PUDP: variants seen among roughly 807,000 people sequenced by gnomAD.
PUDP encodes the protein pseudouridine-5'-phosphatase.
A neutral mutation model predicts 9.4 loss-of-function variants in PUDP; 8 were observed. The ratio of observed to expected loss-of-function variants is 0.85; its 90% CI spans 0.50 to 1.53. PUDP has a LOEUF of 1.53. PUDP is among the 40% of genes most tolerant of loss of function. PUDP has a pLI of 0.00. For missense variants in PUDP, 188 were observed against 189.7 expected, an observed-to-expected ratio of 0.99 and a Z score of 0.05; for synonymous variants, 99 against 80.7, an observed-to-expected ratio of 1.23 and a Z score of -1.22.
intron 3 of PUDP, among the ~76,000 whole-genome samples, chrX:6,727,504 T>C (rs777218390): frequency 8.0e-5 from 9 of 112,281 alleles, no homozygotes; most frequent in African/African-American, 2.6e-4. Flanking sequence ...CTTCGAAGAA[T>C]TTTGGAGAAT....
At chrX:6,919,426 C>T (rs952465032) in intron 3 of PUDP, among the ~76,000 whole-genome samples, 1 of 111,256 alleles carries the variant, frequency 9.0e-6, no homozygotes, top group African/African-American at 3.3e-5. Context: ...CATCATAGTT[C>T]CAAACTCTAA....
At chrX:7,116,953 T>C (rs1401032877) in intron 1 of PUDP, 1 of 1,166,373 alleles carries the variant, frequency 8.6e-7, no homozygotes, top group Admixed American at 2.6e-5. Flanking sequence ...GTTACATGCC[T>C]GCTCCTGCTT....
At chrX:7,145,084 G>T (rs1932834456) in intron 1 of PUDP, among the ~76,000 whole-genome samples, 1 of 111,669 alleles carries the variant, frequency 9.0e-6, no homozygotes, top group African/African-American at 3.3e-5. Flanking sequence ...CTGAAATGAG[G>T]CTAGTTCAAA....
chrX:7,096,970 C>A (rs1206668887), intron 2 of PUDP, among the ~76,000 whole-genome samples: 1 of 111,277 alleles, frequency 9.0e-6, no homozygotes, highest in Non-Finnish European at 1.9e-5. Flanking sequence ...TCATGAGACA[C>A]ACTGGAAAGG....
intron 1 of PUDP, among the ~76,000 whole-genome samples, chrX:7,116,707 G>A (rs1395608020): frequency 8.9e-6 from 1 of 111,914 alleles, no homozygotes; most frequent in East Asian, 2.8e-4. Flanking sequence ...AACTGCATTG[G>A]TCAGTAATAG....
intron 3 of PUDP, among the ~76,000 whole-genome samples, chrX:6,767,547 C>T (rs909943477): frequency 1.8e-5 from 2 of 112,555 alleles, no homozygotes; most frequent in Non-Finnish European, 3.8e-5. Context: ...CCAGTTCGCC[C>T]TTCATAGCAG....
intron 1 of PUDP, among the ~76,000 whole-genome samples, chrX:6,982,856 A>G (rs1249163543): frequency 8.9e-6 from 1 of 112,732 alleles, no homozygotes. Flanking sequence ...AGAGTCAGCC[A>G]TGTCAGATTT....
intron 1 of PUDP, among the ~76,000 whole-genome samples, chrX:7,125,031 C>A (rs866772865): frequency 9.5e-5 from 9 of 95,118 alleles, no homozygotes; most frequent in African/African-American, 2.0e-4. Context: ...TAAAAAAAAA[C>A]ATAAAAAAAA....
chrX:6,963,828 T>A (rs1011128271), intron 3 of PUDP, among the ~76,000 whole-genome samples: 4 of 112,134 alleles, frequency 3.6e-5, no homozygotes, highest in African/African-American at 1.3e-4. Flanking sequence ...TTGGTTTTAA[T>A]CCCTCATGCC....
At chrX:6,761,595 C>T (rs1246999646) in intron 3 of PUDP, among the ~76,000 whole-genome samples, 1 of 111,992 alleles carries the variant, frequency 8.9e-6, no homozygotes, top group Non-Finnish European at 1.9e-5. Context: ...GCAAAATACA[C>T]ACTCAGTGAA....
At position 6,775,896 on chromosome X, in the gene PUDP, C is replaced by T. The variant is rs1428585034; in HGVS notation, c.*248-69430G>A. Among the ~76,000 whole-genome samples, 3 of 111,576 alleles carry T rather than the reference C, an allele frequency of 2.7e-5. No homozygotes were observed. In the East Asian group the frequency reaches 8.5e-4, roughly 32 times the overall value. ...TGCCTTGATCTTTGAGCCTCCAGAACTGTGAGATGGAAATGTCTACTGTTT... is the reference window on the plus strand; with the variant it reads ...TGCCTTGATCTTTGAGCCTCCAGAATTGTGAGATGGAAATGTCTACTGTTT... On this transcript the variant is annotated intron_variant and NMD_transcript_variant, in intron 3 of 3. Coordinates refer to the PUDP transcript ENST00000655425.
chrX:6,940,695 G>A (rs1402484805), intron 3 of PUDP, among the ~76,000 whole-genome samples: 1 of 111,192 alleles, frequency 9.0e-6, no homozygotes, highest in Non-Finnish European at 1.9e-5. Context: ...TTAGGAAACA[G>A]AGACACGAGA....
intron 3 of PUDP, among the ~76,000 whole-genome samples, chrX:6,888,942 A>G (rs1300602275): frequency 1.8e-5 from 2 of 112,552 alleles, no homozygotes; most frequent in African/African-American, 6.5e-5. Context: ...GACACCGTTG[A>G]ATGCATTCTG....
At chrX:7,074,049 T>C (rs1412703705) in intron 3 of PUDP, among the ~76,000 whole-genome samples, 1 of 112,695 alleles carries the variant, frequency 8.9e-6, no homozygotes, top group East Asian at 2.8e-4. Context: ...AATGGCAGCA[T>C]GTGGTTTCCA....
chrX:7,058,374 G>A (rs927801100), intron 3 of PUDP, among the ~76,000 whole-genome samples: 3 of 112,109 alleles, frequency 2.7e-5, no homozygotes, highest in Admixed American at 1.9e-4. Flanking sequence ...GAATTACATG[G>A]AAGCACAGAA....
chrX:6,733,671 T>C (rs1330543260), intron 3 of PUDP, among the ~76,000 whole-genome samples: 4 of 109,275 alleles, frequency 3.7e-5, no homozygotes, highest in African/African-American at 1.3e-4. Context: ...GCGGATCTGA[T>C]TGGAACACAC....
intron 1 of PUDP, among the ~76,000 whole-genome samples, chrX:6,996,331 G>A (rs1182139708): frequency 9.0e-6 from 1 of 110,899 alleles, no homozygotes; most frequent in Non-Finnish European, 1.9e-5. Context: ...TAATCAAAGG[G>A]TAGAACAATA....
chrX:6,822,437 GT>G (rs202193946), intron 3 of PUDP, among the ~76,000 whole-genome samples: 1 of 111,985 alleles, frequency 8.9e-6, no homozygotes, highest in African/African-American at 3.2e-5. Flanking sequence ...TTCCCTGTTT[GT>G]TTTTTTGAGA....
At chrX:7,031,558 T>C (rs1929792895) in intron 1 of PUDP, among the ~76,000 whole-genome samples, 1 of 112,266 alleles carries the variant, frequency 8.9e-6, no homozygotes, top group Non-Finnish European at 1.9e-5. Context: ...CTTTTAACTT[T>C]TGTTTAACTT....
Sources: gnomAD v4.1 joint callset for allele counts (sites outside exome capture counted in the v4.1 genomes callset) on GRCh38, gnomAD v4.1.1 for gene constraint, MANE v1.5 for transcripts, NCBI Gene and HGNC (gene_info 2026-07-23, HGNC 2026-07-21) for gene names.